Variants in ANKRD20A1 observed in about 807,000 individuals in gnomAD.
The protein encoded by ANKRD20A1 is ankyrin repeat domain-containing protein 20A1.
In ANKRD20A1, 2 loss-of-function variants were observed where a neutral mutation model predicts 50.9. The ratio of observed to expected loss-of-function variants is 0.04; its 90% CI spans 0.02 to 0.12. The LOEUF is 0.12. ANKRD20A1 is among the 10% of genes least tolerant of loss of function. The probability of loss-of-function intolerance (pLI) is 1.00; values close to 1 mark genes in which losing one functional copy is unlikely to be tolerated. For missense variants in ANKRD20A1, 31 were observed against 548.1 expected, an observed-to-expected ratio of 0.06 and a Z score of 9.42; for synonymous variants, 10 against 186.2, an observed-to-expected ratio of 0.05 and a Z score of 7.70.
intron 8 of ANKRD20A1, among the ~76,000 whole-genome samples, chr9:67,882,253 C>T (rs1420445961): frequency 6.6e-6 from 1 of 151,384 alleles, no homozygotes; most frequent in Non-Finnish European, 1.5e-5. Context: ...TCTCAAAGTG[C>T]TGGGTTACAG....
Position 67,896,440 on chromosome 9 carries a change from C to T in ANKRD20A1, c.1153-1119C>T, listed in dbSNP as rs1828000794. On this transcript the variant is annotated intron_variant, in intron 12 of 14. Transcript: ENST00000562196. Reference sequence around the variant, plus strand: ...AATATTTCTGTTGAATCAGACCTTACGTTATGTTGTTTAATAAAGTATGGT... The same window carrying T: ...AATATTTCTGTTGAATCAGACCTTATGTTATGTTGTTTAATAAAGTATGGT... Among the ~76,000 whole-genome samples, 2 of 91,176 alleles carry T rather than the reference C, an allele frequency of 2.2e-5. 1 individual carries two copies. Among genetic ancestry groups the T allele is most frequent in the Non-Finnish European group, 4.9e-5 (2 of 40,798 alleles). The allele number at this position is 91,176 out of a possible 152,430, so 59.8% of individuals were successfully genotyped here. A position where few individuals can be genotyped will look rare whatever the true frequency, so the allele number is the denominator to read the frequency against.
chr9:67,871,475 T>A (rs1415616648), intron 6 of ANKRD20A1, among the ~76,000 whole-genome samples: 1 of 138,118 alleles, frequency 7.2e-6, no homozygotes, highest in Non-Finnish European at 1.6e-5. Context: ...AAAACATTCA[T>A]TTATTAATTA....
intron 5 of ANKRD20A1, among the ~76,000 whole-genome samples, chr9:67,868,812 C>T (rs879024009): frequency 8.2e-3 from 462 of 56,356 alleles, no homozygotes; most frequent in African/African-American, 0.023. Flanking sequence ...TCATTTTATT[C>T]TAAGTATAAT....
intron 4 of ANKRD20A1, among the ~76,000 whole-genome samples, chr9:67,868,196 AC>A (rs1035834926): frequency 3.6e-5 from 3 of 82,822 alleles, no homozygotes; most frequent in African/African-American, 1.1e-4. Context: ...ATTATGTCTT[AC>A]CCCAGTGGGA....
intron 9 of ANKRD20A1, 23 bp downstream of exon 9, chr9:67,884,593 A>C: frequency 6.3e-7 from 1 of 1,592,154 alleles, no homozygotes; most frequent in Non-Finnish European, 8.5e-7. Flanking sequence ...TTTTATTTAA[A>C]AAGTCATCTG....
chr9:67,867,979 C>T (rs62546042), intron 4 of ANKRD20A1, among the ~76,000 whole-genome samples: 20,198 of 53,258 alleles, frequency 0.38, 2,314 homozygotes, highest in East Asian at 0.63. Flanking sequence ...TTTTAAAGTG[C>T]GGACTTTTAG....
chr9:67,891,327 G>A (rs1245264397), intron 11 of ANKRD20A1, among the ~76,000 whole-genome samples: 1 of 136,556 alleles, frequency 7.3e-6, no homozygotes, highest in African/African-American at 2.6e-5. Context: ...AACAGCAACA[G>A]CAACAACCAC....
intron 9 of ANKRD20A1, among the ~76,000 whole-genome samples, chr9:67,885,420 A>G (rs544435234): frequency 8.5e-5 from 13 of 152,406 alleles, no homozygotes; most frequent in Admixed American, 2.6e-4. Context: ...TGTTTTATCT[A>G]CCATAGATGA....
intron 9 of ANKRD20A1, among the ~76,000 whole-genome samples, chr9:67,885,051 TCTATTGGGAGTACCA>T (rs1827855627): frequency 7.1e-6 from 1 of 141,398 alleles, no homozygotes; most frequent in Non-Finnish European, 1.5e-5. Flanking sequence ...AGCAGTTGAT[TCTATTGGGAGTACCA>T]CTAAAGGAGC....
intron 9 of ANKRD20A1, among the ~76,000 whole-genome samples, chr9:67,885,575 G>A: frequency 6.6e-6 from 1 of 152,428 alleles, no homozygotes; most frequent in Non-Finnish European, 1.5e-5. Flanking sequence ...AATTCGAGAA[G>A]TTATTGCCTG....
chr9:67,892,660 C>G, intron 11 of ANKRD20A1, among the ~76,000 whole-genome samples: 1 of 143,526 alleles, frequency 7.0e-6, no homozygotes, highest in African/African-American at 2.5e-5. Flanking sequence ...AGTTCTTACT[C>G]TATCACCCAG....
At chr9:67,884,834 G>A (rs1456635407) in intron 9 of ANKRD20A1, among the ~76,000 whole-genome samples, 1 of 151,262 alleles carries the variant, frequency 6.6e-6, no homozygotes, top group African/African-American at 2.4e-5. Flanking sequence ...GGCTTGCAGT[G>A]AGCGGAGATA....
At chr9:67,898,574 A>G (rs192596503) in intron 13 of ANKRD20A1, among the ~76,000 whole-genome samples, 10,072 of 88,388 alleles carry the variant, frequency 0.11, 1,423 homozygotes, top group African/African-American at 0.2. Flanking sequence ...AGTATTAAGA[A>G]AGAAATATAA....
At chr9:67,882,034 C>A (rs1356473486) in intron 8 of ANKRD20A1, among the ~76,000 whole-genome samples, 1 of 142,522 alleles carries the variant, frequency 7.0e-6, no homozygotes, top group African/African-American at 2.5e-5. Context: ...GGCTGGAGGG[C>A]ACTGGTGAGA....
At chr9:67,891,353 C>T (rs1827944639) in intron 11 of ANKRD20A1, among the ~76,000 whole-genome samples, 1 of 126,728 alleles carries the variant, frequency 7.9e-6, no homozygotes. Flanking sequence ...AACCCAAATG[C>T]ATTTCCTTGG....
At position 67,860,371 on chromosome 9, in the gene ANKRD20A1, G is replaced by GAT. The variant is rs1377297911; in HGVS notation, c.203+753_203+754dup. 4.1e-4 allele frequency: 18 copies of GAT among 43,960 alleles called. 8 individuals are homozygous for GAT. The highest frequency in any genetic ancestry group is 1.4e-3 in the African/African-American group (11 of 7,862). 2.7% of individuals were successfully genotyped at this position (43,960 alleles called of 1,614,324 possible). A position where few individuals can be genotyped will look rare whatever the true frequency, so the allele number is the denominator to read the frequency against. On this transcript the variant is annotated intron_variant, in intron 1 of 14. Coordinates refer to ENST00000562196, the MANE Select transcript of ANKRD20A1 (RefSeq NM_032250.5). ...CTATGTTGTTTATTATATATCATAA[G>GAT]ATATATATATATTACTGATATGTAT...
Position 67,871,885 on chromosome 9 carries a change from G to A in ANKRD20A1, c.793+673G>A, listed in dbSNP as rs1827655448. ...CTAGAGAAATGAAGCTGTTAGAAAG[G>A]AAATCATCAGGAGAAACATATTGAC... On this transcript the variant is annotated intron_variant, in intron 6 of 14. Transcript: ENST00000562196. Among the ~76,000 whole-genome samples, 3 of 142,088 alleles carry A rather than the reference G, an allele frequency of 2.1e-5. No individual in the cohort carries two copies. The South Asian group carries it at 6.8e-4, about 32-fold the overall frequency. 93.2% of individuals were successfully genotyped at this position (142,088 alleles called of 152,430 possible). A position where few individuals can be genotyped will look rare whatever the true frequency, so the allele number is the denominator to read the frequency against.
intron 5 of ANKRD20A1, 92 bp from the exon 6 acceptor site, chr9:67,871,065 C>G: frequency 1.2e-6 from 1 of 846,830 alleles, no homozygotes; most frequent in Admixed American, 2.8e-5. Flanking sequence ...TCTGATATTG[C>G]TTGAAAGTGT....
chr9:67,866,596 ACCAC>A (rs1827576397), intron 3 of ANKRD20A1, among the ~76,000 whole-genome samples: 1 of 106,120 alleles, frequency 9.4e-6, no homozygotes, highest in African/African-American at 3.2e-5. Flanking sequence ...GCAAGTTTGT[ACCAC>A]CCAGAGGGAA....
Sources: gnomAD v4.1 joint callset for allele counts (sites outside exome capture counted in the v4.1 genomes callset) on GRCh38, gnomAD v4.1.1 for gene constraint, MANE v1.5 for transcripts, NCBI Gene and HGNC (gene_info 2026-07-23, HGNC 2026-07-21) for gene names.